Variants in REEP5 observed in about 807,000 individuals in gnomAD.
The protein encoded by REEP5 is receptor accessory protein 5, also known as receptor expression-enhancing protein 5.
REEP5 carries 24 observed loss-of-function variants against 22.4 expected under a neutral mutation model. The observed-to-expected ratio is 1.07, with a 90% CI of 0.78 to 1.51. REEP5 has a LOEUF of 1.51. REEP5 is among the 40% of genes most tolerant of loss of function. The pLI is 0.00. For missense variants in REEP5, 252 were observed against 233.0 expected (o/e 1.08, Z -0.53); for synonymous variants, 103 against 88.6 (o/e 1.16, Z -0.92).
At chr5:112,905,297 T>C (rs1256699834) in intron 2 of REEP5, among the ~76,000 whole-genome samples, 1 of 152,040 alleles carries the variant, frequency 6.6e-6, no homozygotes, top group East Asian at 1.9e-4. Flanking sequence ...TCCCAGCACT[T>C]TGGGAGGCCG....
intron 2 of REEP5, among the ~76,000 whole-genome samples, chr5:112,916,465 T>C (rs1769234749): frequency 6.6e-6 from 1 of 152,204 alleles, no homozygotes; most frequent in African/African-American, 2.4e-5. Context: ...AAGTCAAAGC[T>C]ACATAACAGA....
chr5:112,892,156 G>A (rs1032053607), intron 3 of REEP5: 13 of 1,614,072 alleles, frequency 8.1e-6, no homozygotes, highest in Admixed American at 1.7e-5. Context: ...AATGGAGAAG[G>A]ATCGAGCTAA....
chr5:112,914,099 T>C (rs1321684413), intron 2 of REEP5, among the ~76,000 whole-genome samples: 3 of 150,764 alleles, frequency 2.0e-5, no homozygotes, highest in Non-Finnish European at 3.0e-5. Context: ...GCTGTGTTCA[T>C]GCCATTGCAC....
intron 2 of REEP5, 24 bp downstream of exon 2, chr5:112,921,139 A>C: frequency 6.2e-7 from 1 of 1,608,768 alleles, no homozygotes; most frequent in South Asian, 1.1e-5. Context: ...AGGGAAGGGG[A>C]CGGCTGCAGG....
chr5:112,879,972 G>A (rs1462732450), intron 4 of REEP5, among the ~76,000 whole-genome samples: 1 of 151,636 alleles, frequency 6.6e-6, no homozygotes, highest in Admixed American at 6.6e-5. Flanking sequence ...AGTACCTAAT[G>A]CAACATGAAT....
intron 3 of REEP5, among the ~76,000 whole-genome samples, chr5:112,890,796 G>C (rs745614557): frequency 9.3e-5 from 14 of 150,646 alleles, no homozygotes; most frequent in Non-Finnish European, 1.9e-4. Context: ...TTCCAATCCT[G>C]GTTCTGCCAT....
At chr5:112,895,801 C>G (rs1336774617) in intron 3 of REEP5, 1 of 152,148 alleles carries the variant, frequency 6.6e-6, no homozygotes, top group East Asian at 1.9e-4. Context: ...TTAAAGTCAC[C>G]CACACAGATC....
intron 3 of REEP5, among the ~76,000 whole-genome samples, chr5:112,888,794 A>G (rs1451620675): frequency 6.6e-6 from 1 of 150,804 alleles, no homozygotes; most frequent in Non-Finnish European, 1.5e-5. Flanking sequence ...GCCAAGGTGC[A>G]AGGATTGCTT....
Position 112,921,137 on chromosome 5 carries a change from G to A in REEP5, c.212+26C>T, listed in dbSNP as rs188730713. 8.0e-4 allele frequency: 1,294 copies of A among 1,608,184 alleles called. 6 individuals carry two copies. In the African/African-American group the frequency reaches 0.013, roughly 16 times the overall value. On this transcript the variant is annotated intron_variant, in intron 2 of 4. Transcript: ENST00000379638. ...CGGGGAGGAATGGAGGAAGGGAAGGGGACGGCTGCAGGGTGTGTCACTTAC... is the reference window on the plus strand; with the variant it reads ...CGGGGAGGAATGGAGGAAGGGAAGGAGACGGCTGCAGGGTGTGTCACTTAC...
At position 112,904,052 on chromosome 5, in the gene REEP5, G is replaced by A. The variant is rs888086157; in HGVS notation, c.213-1534C>T. Among the ~76,000 whole-genome samples the A allele has an allele frequency of 1.1e-4, 16 of 152,156 alleles. 1 individual carries two copies. Among genetic ancestry groups the A allele is most frequent in the Admixed American group, 4.6e-4 (7 of 15,286 alleles). ...TCACTGTGTTGCCCAGGCTGGTCTCGAACTCCTGGCCTCAAGCAATCCTCC... is the reference window on the plus strand; with the variant it reads ...TCACTGTGTTGCCCAGGCTGGTCTCAAACTCCTGGCCTCAAGCAATCCTCC... On this transcript the variant is annotated intron_variant, in intron 2 of 4. Coordinates refer to ENST00000379638, the MANE Select transcript of REEP5 (RefSeq NM_005669.5).
chr5:112,897,396 A>ACAC (rs1315945172), intron 3 of REEP5: 1 of 132,480 alleles, frequency 7.5e-6, no homozygotes, highest in East Asian at 2.6e-4. Flanking sequence ...CACACACACA[A>ACAC]ATGTAAACAG....
intron 1 of REEP5, 54 bp from the exon 2 acceptor site, chr5:112,921,310 G>A (rs1256490010): frequency 6.4e-7 from 1 of 1,555,458 alleles, no homozygotes; most frequent in Admixed American, 1.7e-5. Flanking sequence ...CGTTCACGCG[G>A]GACAGCCGCC....
intron 2 of REEP5, among the ~76,000 whole-genome samples, chr5:112,903,271 T>C (rs2150044467): frequency 6.6e-6 from 1 of 152,362 alleles, no homozygotes; most frequent in Non-Finnish European, 1.5e-5. Flanking sequence ...CTAACAGATC[T>C]AGATATTTAT....
intron 3 of REEP5, among the ~76,000 whole-genome samples, chr5:112,890,437 C>T (rs1768403519): frequency 2.0e-5 from 3 of 149,216 alleles, no homozygotes; most frequent in African/African-American, 7.5e-5. Context: ...GGCACAAATA[C>T]AAAACACTAT....
chr5:112,893,094 T>TAAA (rs552226372), intron 3 of REEP5: 175 of 501,168 alleles, frequency 3.5e-4, no homozygotes, highest in South Asian at 7.5e-4. Flanking sequence ...GTTTTGTTCT[T>TAAA]AAAAAAAAAA....
intron 2 of REEP5, among the ~76,000 whole-genome samples, chr5:112,903,083 G>C (rs1768884707): frequency 6.6e-6 from 1 of 152,158 alleles, no homozygotes; most frequent in African/African-American, 2.4e-5. Flanking sequence ...CACAGGCTAT[G>C]GACTTTCCTC....
chr5:112,911,848 T>G (rs967627843), intron 2 of REEP5, among the ~76,000 whole-genome samples: 5 of 152,204 alleles, frequency 3.3e-5, no homozygotes, highest in African/African-American at 1.2e-4. Flanking sequence ...GTTTTATTCT[T>G]TGAATAATGA....
intron 4 of REEP5, 29 bp from the exon 5 acceptor site, chr5:112,878,864 A>G: frequency 6.2e-7 from 1 of 1,613,816 alleles, no homozygotes. Context: ...GGAAAGAAAA[A>G]TATATCAAAG....
chr5:112,906,073 G>A (rs1020709754), intron 2 of REEP5, among the ~76,000 whole-genome samples: 34 of 152,188 alleles, frequency 2.2e-4, no homozygotes, highest in Admixed American at 1.6e-3. Flanking sequence ...GCAACACAGA[G>A]GATTCATGAA....
Sources: gnomAD v4.1 joint callset for allele counts (sites outside exome capture counted in the v4.1 genomes callset) on GRCh38, gnomAD v4.1.1 for gene constraint, MANE v1.5 for transcripts, NCBI Gene and HGNC (gene_info 2026-07-23, HGNC 2026-07-21) for gene names.